RYR3: variants seen among roughly 807,000 people sequenced by gnomAD.
The protein encoded by RYR3 is brain ryanodine receptor-calcium release channel.
In RYR3, 207 loss-of-function variants were observed where a neutral mutation model predicts 584.3. The observed-to-expected ratio is 0.35, with a 90% CI of 0.32 to 0.40. The LOEUF is 0.40. RYR3 is among the 10% of genes least tolerant of loss of function. The pLI, the probability that RYR3 is intolerant of heterozygous loss-of-function variation, is 1.00. For missense variants in RYR3, 5,616 were observed against 6,089.2 expected, an observed-to-expected ratio of 0.92 and a Z score of 2.59; for synonymous variants, 2,416 against 2,248.5, an observed-to-expected ratio of 1.07 and a Z score of -2.11.
intron 27 of RYR3, 81 bp downstream of exon 27, chr15:33,636,631 T>C: frequency 1.6e-6 from 2 of 1,255,184 alleles, no homozygotes; most frequent in Non-Finnish European, 2.2e-6. Flanking sequence ...CTGCTCTACT[T>C]CCTTATTCGG....
chr15:33,859,540 C>G (rs1171693111), intron 99 of RYR3, 35 bp from the exon 100 acceptor site: 9 of 1,612,120 alleles, frequency 5.6e-6, no homozygotes, highest in Non-Finnish European at 7.6e-6. Context: ...AGAACTGTGA[C>G]TTTTGCCTAA....
Position 33,865,314 on chromosome 15 carries a change from ATG to A in RYR3, c.*91_*92del. 1.1e-6 allele frequency: 1 copy of A among 879,494 alleles called. No individual in the cohort carries two copies. Among genetic ancestry groups the A allele is most frequent in the Non-Finnish European group, 1.8e-6 (1 of 564,990 alleles). 54.5% of individuals were successfully genotyped at this position (879,494 alleles called of 1,614,324 possible). A position where few individuals can be genotyped will look rare whatever the true frequency, so the allele number is the denominator to read the frequency against. ...TTTACAGTTCTGCAACATATCTGAAATGTGACATTTTCTAAATGCCTCCCTTA... is the reference window on the plus strand; with the variant it reads ...TTTACAGTTCTGCAACATATCTGAAATGACATTTTCTAAATGCCTCCCTTA... On this transcript the variant is annotated 3_prime_UTR_variant, in exon 104 of 104. Coordinates refer to ENST00000634891, the MANE Select transcript of RYR3 (RefSeq NM_001036.6).
chr15:33,328,293 G>A (rs1261508004), intron 1 of RYR3, among the ~76,000 whole-genome samples: 1 of 152,140 alleles, frequency 6.6e-6, no homozygotes, highest in Non-Finnish European at 1.5e-5. Context: ...CGGCAGCTCT[G>A]CCCACACCGT....
intron 20 of RYR3, among the ~76,000 whole-genome samples, chr15:33,625,741 TC>T (rs1169889515): frequency 6.6e-6 from 1 of 151,828 alleles, no homozygotes; most frequent in African/African-American, 2.4e-5. Context: ...AATAAATGAT[TC>T]CTAAGGAGAA....
At chr15:33,552,237 G>A (rs2056734600) in intron 10 of RYR3, among the ~76,000 whole-genome samples, 1 of 152,128 alleles carries the variant, frequency 6.6e-6, no homozygotes, top group Non-Finnish European at 1.5e-5. Context: ...TGGAGCATGG[G>A]TCAGCACTGT....
intron 1 of RYR3, among the ~76,000 whole-genome samples, chr15:33,331,029 A>T (rs1242232310): frequency 6.6e-6 from 1 of 151,990 alleles, no homozygotes; most frequent in East Asian, 1.9e-4. Context: ...CAGTGACAGA[A>T]CTTTGTTTGT....
intron 16 of RYR3, among the ~76,000 whole-genome samples, chr15:33,588,503 G>T (rs2152528208): frequency 6.6e-6 from 1 of 152,124 alleles, no homozygotes; most frequent in South Asian, 2.1e-4. Flanking sequence ...GTGCAATTTT[G>T]TTACCTGGAT....
At chr15:33,840,522 C>T (rs2078292018) in intron 89 of RYR3, 1 of 383,980 alleles carries the variant, frequency 2.6e-6, no homozygotes, top group African/African-American at 2.1e-5. Flanking sequence ...GTCTTTCTGA[C>T]CCTGTGGAGC....
At chr15:33,464,713 C>T (rs1486105227) in intron 1 of RYR3, among the ~76,000 whole-genome samples, 8 of 151,758 alleles carry the variant, frequency 5.3e-5, no homozygotes, top group Non-Finnish European at 4.4e-5. Context: ...ATATTTCCAT[C>T]ACCTCACATA....
intron 85 of RYR3, among the ~76,000 whole-genome samples, chr15:33,828,647 T>G (rs1173542957): frequency 6.6e-6 from 1 of 152,194 alleles, no homozygotes; most frequent in Non-Finnish European, 1.5e-5. Context: ...TCTAACTCTC[T>G]TCAATTCTAT....
intron 67 of RYR3, among the ~76,000 whole-genome samples, chr15:33,792,276 T>C (rs979832937): frequency 1.3e-5 from 2 of 152,132 alleles, no homozygotes; most frequent in African/African-American, 4.8e-5. Flanking sequence ...CTGAGCACCA[T>C]TTAGAGAGGA....
At chr15:33,674,044 T>C (rs144936738) in intron 38 of RYR3, among the ~76,000 whole-genome samples, 207 of 152,342 alleles carry the variant, frequency 1.4e-3, no homozygotes, top group African/African-American at 4.9e-3. Flanking sequence ...ACTCTTCTCC[T>C]AATGAAGACC....
At chr15:33,427,547 T>C (rs889447612) in intron 1 of RYR3, among the ~76,000 whole-genome samples, 3 of 152,232 alleles carry the variant, frequency 2.0e-5, no homozygotes, top group Non-Finnish European at 2.9e-5. Flanking sequence ...TTATGACTAG[T>C]ATTCTCGTTT....
intron 38 of RYR3, among the ~76,000 whole-genome samples, chr15:33,681,650 TTTTC>T (rs2064628947): frequency 6.6e-6 from 1 of 152,238 alleles, no homozygotes; most frequent in Non-Finnish European, 1.5e-5. Flanking sequence ...ACAAGCTGAC[TTTTC>T]AATCACTTAG....
At chr15:33,402,188 C>CA (rs1303014009) in intron 1 of RYR3, among the ~76,000 whole-genome samples, 7 of 152,072 alleles carry the variant, frequency 4.6e-5, no homozygotes, top group African/African-American at 1.7e-4. Context: ...AATTTTTGTA[C>CA]AAGACTATCC....
chr15:33,518,343 A>AT (rs965670606), intron 3 of RYR3, among the ~76,000 whole-genome samples: 1 of 151,934 alleles, frequency 6.6e-6, no homozygotes, highest in Non-Finnish European at 1.5e-5. Flanking sequence ...TTGAATTATT[A>AT]TTTTTTTTCT....
chr15:33,543,485 A>T, intron 7 of RYR3, 137 bp from the exon 8 acceptor site: 1 of 682,210 alleles, frequency 1.5e-6, no homozygotes, highest in South Asian at 1.7e-5. Flanking sequence ...CATTCATGGA[A>T]TATGTAGTTA....
At chr15:33,474,175 T>C (rs2049168091) in intron 2 of RYR3, among the ~76,000 whole-genome samples, 1 of 152,184 alleles carries the variant, frequency 6.6e-6, no homozygotes, top group Non-Finnish European at 1.5e-5. Flanking sequence ...TGCTTTTCAG[T>C]CCTGGGAAAA....
chr15:33,640,126 C>T (rs561830052), intron 27 of RYR3, among the ~76,000 whole-genome samples: 46 of 152,256 alleles, frequency 3.0e-4, no homozygotes, highest in East Asian at 7.7e-4. Flanking sequence ...ATTGACCTGT[C>T]GGGTTTAACA....
Sources: gnomAD v4.1 joint callset for allele counts (sites outside exome capture counted in the v4.1 genomes callset) on GRCh38, gnomAD v4.1.1 for gene constraint, MANE v1.5 for transcripts, NCBI Gene and HGNC (gene_info 2026-07-23, HGNC 2026-07-21) for gene names.